The following TMEM269 variants were observed in gnomAD, a reference collection of about 807,000 sequenced individuals.
The protein encoded by TMEM269 is transmembrane protein 269.
A neutral mutation model predicts 15.8 loss-of-function variants in TMEM269; 12 were observed. That is an observed-to-expected ratio of 0.76 (90% CI 0.49 to 1.23). TMEM269 has a LOEUF of 1.23. Among genes scored for constraint, TMEM269 ranks in the 50% most tolerant of loss-of-function variants. The pLI, the probability that TMEM269 is intolerant of heterozygous loss-of-function variation, is 0.00. For missense variants in TMEM269, 211 were observed against 245.4 expected, an observed-to-expected ratio of 0.86 and a Z score of 0.94; for synonymous variants, 93 against 99.3, an observed-to-expected ratio of 0.94 and a Z score of 0.38.
rs1653826832 is a variant in TMEM269 at position 42,798,465 on chromosome 1, AT to A, written c.*241del. The A allele has an allele frequency of 4.1e-6, 2 of 485,888 alleles. No homozygotes were observed. Among genetic ancestry groups the A allele is most frequent in the Non-Finnish European group, 7.3e-6 (2 of 272,630 alleles). 30.1% of individuals were successfully genotyped at this position (485,888 alleles called of 1,614,324 possible). A position where few individuals can be genotyped will look rare whatever the true frequency, so the allele number is the denominator to read the frequency against. Reference sequence around the variant, plus strand: ...TTGTTTATGTCATGTAGAGCAGAATATCCCCCCGCCTCAAGCTCAATGTGGG... The same window carrying A: ...TTGTTTATGTCATGTAGAGCAGAATACCCCCCGCCTCAAGCTCAATGTGGG... On this transcript the variant is annotated 3_prime_UTR_variant, in exon 6 of 6. Coordinates refer to ENST00000637012, the MANE Select transcript of TMEM269 (RefSeq NM_001354602.2).
chr1:42,791,704 T>C (rs979766737), intron 2 of TMEM269, among the ~76,000 whole-genome samples: 9 of 152,024 alleles, frequency 5.9e-5, no homozygotes, highest in Non-Finnish European at 1.3e-4. Context: ...GCATAAAAAG[T>C]AAAAAGTAAA....
intron 5 of TMEM269, among the ~76,000 whole-genome samples, chr1:42,796,097 C>T (rs1179294492): frequency 6.6e-6 from 1 of 152,154 alleles, no homozygotes; most frequent in Non-Finnish European, 1.5e-5. Context: ...AAAACGAAGC[C>T]ACTAATCCCT....
At chr1:42,786,327 C>T (rs1202541994) in intron 1 of TMEM269, among the ~76,000 whole-genome samples, 2 of 152,210 alleles carry the variant, frequency 1.3e-5, no homozygotes, top group Non-Finnish European at 1.5e-5. Flanking sequence ...CCAGTGTAGG[C>T]GGTGCCCAAA....
intron 2 of TMEM269, among the ~76,000 whole-genome samples, chr1:42,790,498 C>G (rs1352584031): frequency 6.6e-6 from 1 of 152,080 alleles, no homozygotes; most frequent in East Asian, 1.9e-4. Flanking sequence ...GTTTAAGCCC[C>G]CTTCCAGCTG....
chr1:42,792,755 G>A, intron 2 of TMEM269, 50 bp from the exon 3 acceptor site: 1 of 1,185,520 alleles, frequency 8.4e-7, no homozygotes, highest in Non-Finnish European at 1.2e-6. Flanking sequence ...AGTCTCCAGT[G>A]GAAACTGCGA....
rs1343592008 is a variant in TMEM269 at position 42,800,689 on chromosome 1, G to T, written c.*2464G>T. 2 of 152,176 alleles carry T rather than the reference G, an allele frequency of 1.3e-5. No homozygotes were observed. Among genetic ancestry groups the T allele is most frequent in the Non-Finnish European group, 2.9e-5 (2 of 68,034 alleles). 9.4% of individuals were successfully genotyped at this position (152,176 alleles called of 1,614,324 possible). ...AGCCTATTTTCCTATCTGTAAAATG[G>T]AGGATTTACTTCCTTTCAGGGTTGT... On this transcript the variant is annotated 3_prime_UTR_variant, in exon 6 of 6. Transcript: ENST00000637012.
At position 42,787,276 on chromosome 1, in the gene TMEM269, C is replaced by T. The variant is rs554724847; in HGVS notation, c.-99+2194C>T. 4.9e-4 allele frequency among the ~76,000 whole-genome samples: 74 copies of T among 152,324 alleles called. 1 individual carries two copies. In the South Asian group the frequency reaches 0.015, roughly 30 times the overall value. ...AGCTAGGTTCTTCCCATCTCTGAGT[C>T]TTCCTTGCTTTACCTGGAAAGTAGG... On this transcript the variant is annotated intron_variant, in intron 1 of 5. Transcript: ENST00000637012.
At chr1:42,793,394 G>A (rs1390530918) in intron 3 of TMEM269, among the ~76,000 whole-genome samples, 1 of 152,202 alleles carries the variant, frequency 6.6e-6, no homozygotes, top group Non-Finnish European at 1.5e-5. Flanking sequence ...CTGAGGGGGA[G>A]ATACTTGCCC....
chr1:42,789,495 T>C (rs1653641685), intron 1 of TMEM269: 2 of 1,535,280 alleles, frequency 1.3e-6, no homozygotes, highest in African/African-American at 2.7e-5. Flanking sequence ...AGTCAGCATA[T>C]GGACTGGAGG....
At chr1:42,786,237 C>T (rs1570501865) in intron 1 of TMEM269, among the ~76,000 whole-genome samples, 1 of 152,308 alleles carries the variant, frequency 6.6e-6, no homozygotes, top group Non-Finnish European at 1.5e-5. Context: ...TTAACAAACA[C>T]AGAACAACTT....
At chr1:42,792,621 A>G in intron 2 of TMEM269, among the ~76,000 whole-genome samples, 184 bp from the exon 3 acceptor site, 1 of 152,224 alleles carries the variant, frequency 6.6e-6, no homozygotes, top group South Asian at 2.1e-4. Context: ...GTGGTGCAAA[A>G]AGCAGCATAT....
rs1255224485 is a variant in TMEM269 at position 42,800,353 on chromosome 1, T to G, written c.*2128T>G. The G allele has an allele frequency of 6.6e-6, 1 of 152,220 alleles. No individual in the cohort carries two copies. Among genetic ancestry groups the G allele is most frequent in the Non-Finnish European group, 1.5e-5 (1 of 68,038 alleles). The allele number at this position is 152,220 out of a possible 1,614,324, so 9.4% of individuals were successfully genotyped here. ...TCAGATACTAAGGCTACTCATTCAA[T>G]GCCTTCACTTCCTCAGACAGTGGTT... On this transcript the variant is annotated 3_prime_UTR_variant, in exon 6 of 6. Transcript: ENST00000637012.
At chr1:42,793,413 C>T (rs371665804) in intron 3 of TMEM269, among the ~76,000 whole-genome samples, 188 bp from the exon 4 acceptor site, 2 of 152,152 alleles carry the variant, frequency 1.3e-5, no homozygotes, top group Admixed American at 6.5e-5. Context: ...CCAAGGCCAC[C>T]GGCCAGCGCA....
intron 2 of TMEM269, 125 bp from the exon 3 acceptor site, chr1:42,792,680 C>T (rs1653718039): frequency 1.5e-6 from 1 of 667,148 alleles, no homozygotes; most frequent in Admixed American, 2.1e-5. Flanking sequence ...TGTATGTGTG[C>T]AAGTGTGGGA....
chr1:42,793,597 G>C lies in TMEM269; in HGVS notation c.140-4G>C, dbSNP rs578047049. The C allele has an allele frequency of 2.6e-6, 4 of 1,548,596 alleles. No homozygotes were observed. The African/African-American group carries it at 5.5e-5, about 21-fold the overall frequency. ...TTCTTCTAACCTTGGGCCGTCTGGG[G>C]CAGGAGCCGAGCTGAATGACTTTGC... On this transcript the variant is annotated splice_polypyrimidine_tract_variant and splice_region_variant and intron_variant, in intron 3 of 5. Coordinates refer to ENST00000637012, the MANE Select transcript of TMEM269 (RefSeq NM_001354602.2).
intron 5 of TMEM269, chr1:42,796,756 G>A (rs1653797338): frequency 6.6e-6 from 1 of 151,996 alleles, no homozygotes. Flanking sequence ...TGCCTCAACA[G>A]ATCAATGACT....
rs1653720559 is a variant in TMEM269 at position 42,792,792 on chromosome 1, G to T, written c.42-13G>T. The T allele has an allele frequency of 6.5e-7, 1 of 1,541,868 alleles. No individual in the cohort carries two copies. The highest frequency in any genetic ancestry group is 8.8e-7 in the Non-Finnish European group (1 of 1,139,172). ...AGTGCTTCCCTGTTTGGGCTTGCTGGCCTGCACTTTAGGAAATGCCACTAT... is the reference window on the plus strand; with the variant it reads ...AGTGCTTCCCTGTTTGGGCTTGCTGTCCTGCACTTTAGGAAATGCCACTAT... On this transcript the variant is annotated splice_polypyrimidine_tract_variant and intron_variant, in intron 2 of 5. Coordinates refer to ENST00000637012, the MANE Select transcript of TMEM269 (RefSeq NM_001354602.2).
At position 42,799,489 on chromosome 1, in the gene TMEM269, G is replaced by T. The variant is rs1653852019; in HGVS notation, c.*1264G>T. The T allele has an allele frequency of 6.6e-6, 1 of 152,202 alleles. No homozygotes were observed. The allele number at this position is 152,202 out of a possible 1,614,324, so 9.4% of individuals were successfully genotyped here. A position where few individuals can be genotyped will look rare whatever the true frequency, so the allele number is the denominator to read the frequency against. On this transcript the variant is annotated 3_prime_UTR_variant, in exon 6 of 6. Coordinates refer to ENST00000637012, the MANE Select transcript of TMEM269 (RefSeq NM_001354602.2). ...TAAAAACCCAAAGTAAGATTTGACTGTAACAGAATAGACGGTGCCTTCCTG... is the reference window on the plus strand; with the variant it reads ...TAAAAACCCAAAGTAAGATTTGACTTTAACAGAATAGACGGTGCCTTCCTG...
In TMEM269 at chr1:42,789,932, C is replaced by T. The variant is rs1653652533; in HGVS notation, c.39C>T (p.Ser13=). Reference sequence around the variant, plus strand: ...TCTTCTCCATCATCTTCAGCTTCAGCAGGTAGGTCTGGGGCCCAGCAAGCT... The same window carrying T: ...TCTTCTCCATCATCTTCAGCTTCAGTAGGTAGGTCTGGGGCCCAGCAAGCT... The part of the protein sequence containing the change: ...LGLFSIIFSF[S]RKCHYASRML... Residue 13 remains serine, a splice_region_variant and synonymous_variant, in exon 2 of 6, where the codon AGC becomes AGT. Transcript: ENST00000637012. 6.5e-7 allele frequency: 1 copy of T among 1,549,978 alleles called. No individual in the cohort carries two copies. The highest frequency in any genetic ancestry group is 8.7e-7 in the Non-Finnish European group (1 of 1,146,454).
Sources: allele counts gnomAD v4.1 joint callset (sites outside exome capture counted in the v4.1 genomes callset), GRCh38; gene constraint gnomAD v4.1.1; transcripts MANE v1.5; gene names NCBI Gene and HGNC (gene_info 2026-07-23, HGNC 2026-07-21).